TXLNB: variants seen among roughly 807,000 people sequenced by gnomAD.
TXLNB encodes the protein beta-taxilin.
In TXLNB, 37 loss-of-function variants were observed where a neutral mutation model predicts 57.4. The observed-to-expected ratio is 0.64, with a 90% CI of 0.50 to 0.85. The LOEUF (loss-of-function observed/expected upper bound fraction) is 0.85, where lower values mean the gene tolerates loss of function less well. Among genes scored for constraint, TXLNB ranks in the 40% least tolerant of loss-of-function variants. TXLNB has a pLI of 0.00. For synonymous variants in TXLNB, 302 were observed against 309.6 expected (o/e 0.98, Z 0.26); for missense variants, 848 against 825.6 (o/e 1.03, Z -0.33).
intron 2 of TXLNB, chr6:139,283,076 A>T (rs1040589650): frequency 1.4e-5 from 2 of 145,302 alleles, no homozygotes; most frequent in African/African-American, 5.1e-5. Flanking sequence ...GCATAATGGG[A>T]AATCTGTTTT....
At chr6:139,181,055 C>T in the TXLNB span, among the ~76,000 whole-genome samples, 2 of 152,174 alleles carry the variant, frequency 1.3e-5, no homozygotes, top group Non-Finnish European at 2.9e-5. Flanking sequence ...TACGAATAGT[C>T]CAAAATTATC....
chr6:139,285,541 C>T (rs1447710826), intron 2 of TXLNB, among the ~76,000 whole-genome samples: 5 of 144,482 alleles, frequency 3.5e-5, no homozygotes, highest in Non-Finnish European at 7.7e-5. Flanking sequence ...AGAGTGATTC[C>T]AACCCTGCAC....
chr6:139,301,933 T>C, the TXLNB span, among the ~76,000 whole-genome samples: 8 of 152,142 alleles, frequency 5.3e-5, no homozygotes, highest in East Asian at 3.8e-4. Flanking sequence ...GCTGATAATA[T>C]ATTACAAGTC....
At chr6:139,206,700 C>T in the TXLNB span, among the ~76,000 whole-genome samples, 5,286 of 151,374 alleles carry the variant, frequency 0.035, 239 homozygotes, top group African/African-American at 0.11. Flanking sequence ...TACAGAATGG[C>T]AGAATGGATT....
In TXLNB at chr6:139,264,336, T is replaced by C. The variant is rs17068460; in HGVS notation, c.688-1563A>G. Among the ~76,000 whole-genome samples the C allele has an allele frequency of 1.5e-3, 228 of 152,270 alleles. 3 individuals carry two copies. The East Asian group carries it at 0.027, about 18-fold the overall frequency. On this transcript the variant is annotated intron_variant, in intron 4 of 9. Transcript: ENST00000358430. ...AGTTTGGAATCAGAACTACAGACCATGATTTGAATACCGTTTGTATTTATA... is the reference window on the plus strand; with the variant it reads ...AGTTTGGAATCAGAACTACAGACCACGATTTGAATACCGTTTGTATTTATA...
At chr6:139,296,034 A>AC (rs34197940), upstream of TXLNB, among the ~76,000 whole-genome samples, 13,566 of 149,430 alleles carry the variant, frequency 0.091, 748 homozygotes, top group Non-Finnish European at 0.13. Flanking sequence ...TAGAACCTTG[A>AC]CCCCCCCCTC....
chr6:139,316,726 A>G, the TXLNB span, among the ~76,000 whole-genome samples: 1 of 152,250 alleles, frequency 6.6e-6, no homozygotes, highest in East Asian at 1.9e-4. Context: ...ATCTGAGAAC[A>G]ACTAAGACTG....
intron 7 of TXLNB, among the ~76,000 whole-genome samples, chr6:139,252,122 C>G (rs376612486): frequency 6.6e-6 from 1 of 152,194 alleles, no homozygotes; most frequent in Non-Finnish European, 1.5e-5. Context: ...AGCCAGACAT[C>G]GCTTCCCTAA....
chr6:139,226,919 C>T, the TXLNB span, among the ~76,000 whole-genome samples: 10 of 152,196 alleles, frequency 6.6e-5, no homozygotes, highest in East Asian at 1.2e-3. Context: ...CCCAGCTACG[C>T]GGGAGGCTTA....
chr6:139,175,647 C>T, the TXLNB span, among the ~76,000 whole-genome samples: 1 of 152,196 alleles, frequency 6.6e-6, no homozygotes, highest in Non-Finnish European at 1.5e-5. Context: ...CTCCTTATTT[C>T]CTCATACAAT....
At chr6:139,245,646 A>G (rs1056745814) in intron 8 of TXLNB, 3 of 152,080 alleles carry the variant, frequency 2.0e-5, no homozygotes, top group Admixed American at 1.3e-4. Context: ...CTAGGTTTTT[A>G]ATTTTGATCA....
At chr6:139,312,718 G>A in the TXLNB span, among the ~76,000 whole-genome samples, 7 of 152,074 alleles carry the variant, frequency 4.6e-5, no homozygotes, top group Admixed American at 1.3e-4. Context: ...TATAGCATAC[G>A]CAGGAGAAGC....
chr6:139,261,646 G>T lies in TXLNB; in HGVS notation c.882+933C>A, dbSNP rs1344364052. ...TAATATAACCTATTCAAAGTAAAAG[G>T]CTTTTGCCTCTTGTGACTGTGGGTA... On this transcript the variant is annotated intron_variant, in intron 5 of 9. Transcript: ENST00000358430. Among the ~76,000 whole-genome samples the T allele has an allele frequency of 2.6e-5, 4 of 151,924 alleles. No homozygotes were observed. The East Asian group carries it at 7.7e-4, about 29-fold the overall frequency.
chr6:139,256,643 A>G (rs1415266808), intron 6 of TXLNB, among the ~76,000 whole-genome samples: 2 of 152,360 alleles, frequency 1.3e-5, no homozygotes, highest in East Asian at 3.9e-4. Flanking sequence ...CTGTTTCTTT[A>G]GAGTACATCC....
At chr6:139,261,898 ACT>A (rs1776490977) in intron 5 of TXLNB, among the ~76,000 whole-genome samples, 1 of 133,856 alleles carries the variant, frequency 7.5e-6, no homozygotes, top group Admixed American at 7.4e-5. Context: ...TAGAATACAG[ACT>A]CTTTTTTTTT....
At chr6:139,250,233 A>G (rs1776165670) in intron 7 of TXLNB, among the ~76,000 whole-genome samples, 1 of 149,518 alleles carries the variant, frequency 6.7e-6, no homozygotes, top group African/African-American at 2.5e-5. Flanking sequence ...GCTTCAAGCA[A>G]TCCTCCTGCC....
chr6:139,204,810 G>A, the TXLNB span, among the ~76,000 whole-genome samples: 1 of 152,096 alleles, frequency 6.6e-6, no homozygotes, highest in Non-Finnish European at 1.5e-5. Flanking sequence ...CAACTGCATG[G>A]GAGCTGGGTG....
At chr6:139,187,572 A>G in the TXLNB span, among the ~76,000 whole-genome samples, 3 of 152,056 alleles carry the variant, frequency 2.0e-5, no homozygotes, top group African/African-American at 7.3e-5. Flanking sequence ...ATTAAATTAC[A>G]TCATTGCAAT....
the TXLNB span, among the ~76,000 whole-genome samples, chr6:139,321,329 G>A: frequency 4.4e-4 from 67 of 152,142 alleles, no homozygotes; most frequent in Admixed American, 4.3e-3. Context: ...GCTCCAGAGA[G>A]TTGCCTTGTG....
Sources: allele counts gnomAD v4.1 joint callset (sites outside exome capture counted in the v4.1 genomes callset), GRCh38; gene constraint gnomAD v4.1.1; transcripts MANE v1.5; gene names NCBI Gene and HGNC (gene_info 2026-07-23, HGNC 2026-07-21).